The following NECTIN3 variants were observed in gnomAD, a reference collection of about 807,000 sequenced individuals.
NECTIN3 encodes the protein nectin-3.
NECTIN3 carries 8 observed loss-of-function variants against 49.4 expected under a neutral mutation model. That is an observed-to-expected ratio of 0.16 (90% CI 0.10 to 0.29). The LOEUF is 0.29. Among genes scored for constraint, NECTIN3 ranks in the 10% least tolerant of loss-of-function variants. The pLI, the probability that NECTIN3 is intolerant of heterozygous loss-of-function variation, is 1.00. For missense variants in NECTIN3, 581 were observed against 654.6 expected, an observed-to-expected ratio of 0.89 and a Z score of 1.23; for synonymous variants, 277 against 241.1, an observed-to-expected ratio of 1.15 and a Z score of -1.38.
intron 7 of NECTIN3, among the ~76,000 whole-genome samples, chr3:111,161,416 A>C (rs772234403): frequency 6.6e-6 from 1 of 152,128 alleles, no homozygotes; most frequent in South Asian, 2.1e-4. Flanking sequence ...TATATTTCAC[A>C]CAGAATTGGT....
chr3:111,077,439 A>G (rs1328433768), intron 1 of NECTIN3, among the ~76,000 whole-genome samples: 4 of 150,084 alleles, frequency 2.7e-5, no homozygotes, highest in African/African-American at 9.7e-5. Flanking sequence ...AGGTTTTATC[A>G]CAAGAAATAA....
chr3:111,136,521 T>G lies in NECTIN3; in HGVS notation c.*2306T>G, dbSNP rs753108337. 6.3e-5 allele frequency: 62 copies of G among 977,002 alleles called. No individual in the cohort carries two copies. Among genetic ancestry groups the G allele is most frequent in the Non-Finnish European group, 7.5e-5 (62 of 822,542 alleles). The allele number at this position is 977,002 out of a possible 1,614,324, so 60.5% of individuals were successfully genotyped here. On this transcript the variant is annotated 3_prime_UTR_variant, in exon 6 of 6. Transcript: ENST00000485303. Reference sequence around the variant, plus strand: ...CTTAAGACTTTGGGAAGCATTGCACTGTTGTTTATTAGAACTTTATGTATA... The same window carrying G: ...CTTAAGACTTTGGGAAGCATTGCACGGTTGTTTATTAGAACTTTATGTATA...
intron 7 of NECTIN3, among the ~76,000 whole-genome samples, chr3:111,161,146 G>T (rs1199076895): frequency 6.6e-6 from 1 of 152,214 alleles, no homozygotes; most frequent in Non-Finnish European, 1.5e-5. Context: ...TTAGATATAT[G>T]TGAGCTTCTG....
chr3:111,136,333 G>T lies in NECTIN3; in HGVS notation c.*2118G>T. 2 of 984,458 alleles carry T rather than the reference G, an allele frequency of 2.0e-6. No individual in the cohort carries two copies. The highest frequency in any genetic ancestry group is 1.1e-4 in the East Asian group (1 of 8,802). 61.0% of individuals were successfully genotyped at this position (984,458 alleles called of 1,614,324 possible). A position where few individuals can be genotyped will look rare whatever the true frequency, so the allele number is the denominator to read the frequency against. ...ATTATGAACTTCCTTTTACATTGTGGTTATTTGTGCGATTAGGTTTTTTTG... is the reference window on the plus strand; with the variant it reads ...ATTATGAACTTCCTTTTACATTGTGTTTATTTGTGCGATTAGGTTTTTTTG... On this transcript the variant is annotated 3_prime_UTR_variant, in exon 6 of 6. Transcript: ENST00000485303.
At chr3:111,160,474 A>C (rs899682243) in intron 7 of NECTIN3, among the ~76,000 whole-genome samples, 7 of 152,226 alleles carry the variant, frequency 4.6e-5, no homozygotes, top group African/African-American at 1.7e-4. Context: ...AAACAATAGT[A>C]AAAGGAAATA....
intron 4 of NECTIN3, among the ~76,000 whole-genome samples, chr3:111,123,463 T>G (rs1559793352): frequency 6.6e-6 from 1 of 152,146 alleles, no homozygotes; most frequent in African/African-American, 2.4e-5. Context: ...TAGATTCCAC[T>G]TAGAGTAATC....
At chr3:111,074,738 T>TATA (rs1023462448) in intron 1 of NECTIN3, among the ~76,000 whole-genome samples, 4 of 151,970 alleles carry the variant, frequency 2.6e-5, no homozygotes, top group Non-Finnish European at 2.9e-5. Context: ...GATTCCTAGG[T>TATA]ATAAGTGTCA....
chr3:111,077,619 AG>A (rs1191730784), intron 1 of NECTIN3, among the ~76,000 whole-genome samples: 1 of 152,056 alleles, frequency 6.6e-6, no homozygotes, highest in Non-Finnish European at 1.5e-5. Flanking sequence ...AAGACGGGTG[AG>A]GTGTGGAGTC....
rs938508246 is a variant in NECTIN3, at chr3:111,071,945, C to T, written c.-73C>T. On this transcript the variant is annotated 5_prime_UTR_variant, in exon 1 of 6. Transcript: ENST00000485303. ...CGCGCCGGACCTTCCACAGCCTCCG[C>T]CCAGAGCCTGAGGCGCCGGGGCCGG... The T allele has an allele frequency of 8.5e-7, 1 of 1,176,170 alleles. No individual in the cohort carries two copies. Among genetic ancestry groups the T allele is most frequent in the Non-Finnish European group, 1.1e-6 (1 of 894,316 alleles). The allele number at this position is 1,176,170 out of a possible 1,614,324, so 72.9% of individuals were successfully genotyped here. A position where few individuals can be genotyped will look rare whatever the true frequency, so the allele number is the denominator to read the frequency against.
intron 7 of NECTIN3, among the ~76,000 whole-genome samples, chr3:111,174,734 G>T: frequency 7.7e-6 from 1 of 129,512 alleles, no homozygotes; most frequent in African/African-American, 2.8e-5. Context: ...TGGGGGGTGG[G>T]GGGTGGGGCG....
At chr3:111,170,748 C>T (rs948456141) in intron 7 of NECTIN3, among the ~76,000 whole-genome samples, 12 of 152,066 alleles carry the variant, frequency 7.9e-5, no homozygotes, top group Non-Finnish European at 1.8e-4. Flanking sequence ...GGATGAAGCA[C>T]CTGATGAGCT....
At chr3:111,086,768 A>G (rs1052779230) in intron 1 of NECTIN3, among the ~76,000 whole-genome samples, 1 of 152,276 alleles carries the variant, frequency 6.6e-6, no homozygotes, top group Middle Eastern at 3.4e-3. Context: ...AAAAGCCTGC[A>G]GGATTTTTAG....
At chr3:111,088,071 T>C (rs537446135) in intron 1 of NECTIN3, among the ~76,000 whole-genome samples, 1 of 152,218 alleles carries the variant, frequency 6.6e-6, no homozygotes, top group East Asian at 1.9e-4. Context: ...ATGTTGAAAT[T>C]TGATCCTCAG....
rs765634009 is a variant in NECTIN3, at chr3:111,134,127, T to C, written c.1562T>C (p.Val521Ala). ...GATCTAAAAATGGGAATGAAGTTTG[T>C]CAGTGATGAACATTATGATGAAAAC... ...YEDLKMGMKF[V>A]SDEHYDENED... Residue 521 changes from valine (V) to alanine (A), a missense_variant, in exon 6 of 6, where the codon GTC becomes GCC. Coordinates refer to ENST00000485303, the MANE Select transcript of NECTIN3 (RefSeq NM_015480.3). The C allele has an allele frequency of 2.9e-5, 46 of 1,613,328 alleles. No homozygotes were observed. The East Asian group carries it at 1.0e-3, about 35-fold the overall frequency.
At chr3:111,189,039 C>G (rs1306734591), upstream of NECTIN3, among the ~76,000 whole-genome samples, 1 of 152,126 alleles carries the variant, frequency 6.6e-6, no homozygotes, top group Non-Finnish European at 1.5e-5. Flanking sequence ...AGGCTATGTT[C>G]AAGATTTCTT....
intron 1 of NECTIN3, among the ~76,000 whole-genome samples, chr3:111,101,194 C>G (rs535264981): frequency 3.6e-4 from 55 of 152,208 alleles, no homozygotes; most frequent in African/African-American, 1.3e-3. Context: ...TTCACCCACA[C>G]AGTAAATTCA....
Position 111,135,305 on chromosome 3 carries a change from C to T in NECTIN3, c.*1090C>T. 2 of 957,376 alleles carry T rather than the reference C, an allele frequency of 2.1e-6. No homozygotes were observed. Among genetic ancestry groups the T allele is most frequent in the Non-Finnish European group, 2.5e-6 (2 of 804,854 alleles). 59.3% of individuals were successfully genotyped at this position (957,376 alleles called of 1,614,324 possible). On this transcript the variant is annotated 3_prime_UTR_variant, in exon 6 of 6. Transcript: ENST00000485303. ...GGTAACACTTGCTAATGGACATTGG[C>T]ATTCATCTCCTTTTTCCTCCTAAGT... is the stretch of plus-strand genomic sequence containing the variant.
At chr3:111,153,461 T>G (rs2035038475) in intron 7 of NECTIN3, among the ~76,000 whole-genome samples, 1 of 152,014 alleles carries the variant, frequency 6.6e-6, no homozygotes. Flanking sequence ...ATATCAAAGC[T>G]TTTGCTATCT....
Position 111,151,233 on chromosome 3 carries a change from T to C in NECTIN3, c.1221+3749T>C, listed in dbSNP as rs75320856. On this transcript the variant is annotated intron_variant, in intron 7 of 8. Transcript: ENST00000493615. ...TAACTAAATCAAGCAAATAAACATATGCATTACCTTATGTATTCCGATAAA... is the reference window on the plus strand; with the variant it reads ...TAACTAAATCAAGCAAATAAACATACGCATTACCTTATGTATTCCGATAAA... Among the ~76,000 whole-genome samples, 3,070 of 152,024 alleles carry C rather than the reference T, an allele frequency of 0.02. 189 individuals are homozygous for C. The East Asian group carries it at 0.24, about 12-fold the overall frequency.
Sources: gnomAD v4.1 joint callset for allele counts (sites outside exome capture counted in the v4.1 genomes callset) on GRCh38, gnomAD v4.1.1 for gene constraint, MANE v1.5 for transcripts, NCBI Gene and HGNC (gene_info 2026-07-23, HGNC 2026-07-21) for gene names.